Variants in GPC6 observed in about 807,000 individuals in gnomAD.
The protein encoded by GPC6 is glypican-6.
In GPC6, 14 loss-of-function variants were observed where a neutral mutation model predicts 55.2. The ratio of observed to expected loss-of-function variants is 0.25; its 90% CI spans 0.17 to 0.40. GPC6 has a LOEUF of 0.40. Ranked by LOEUF, GPC6 falls within the 10% of genes least tolerant of loss-of-function variation. The probability of loss-of-function intolerance (pLI) is 1.00; values close to 1 mark genes in which losing one functional copy is unlikely to be tolerated. For synonymous variants in GPC6, 278 were observed against 259.6 expected, an observed-to-expected ratio of 1.07 and a Z score of -0.68; for missense variants, 641 against 708.5, an observed-to-expected ratio of 0.90 and a Z score of 1.08.
At chr13:94,208,468 A>G (rs537760566) in intron 4 of GPC6, among the ~76,000 whole-genome samples, 1 of 152,234 alleles carries the variant, frequency 6.6e-6, no homozygotes, top group South Asian at 2.1e-4. Context: ...GAAGGAGATG[A>G]TATTTGATGT....
chr13:93,542,625 T>G (rs1025210226), intron 1 of GPC6, among the ~76,000 whole-genome samples: 2 of 152,208 alleles, frequency 1.3e-5, no homozygotes, highest in African/African-American at 2.4e-5. Context: ...AGTATGGCCA[T>G]TTTCGTGATA....
At chr13:94,139,989 A>G (rs1324977434) in intron 4 of GPC6, among the ~76,000 whole-genome samples, 1 of 151,762 alleles carries the variant, frequency 6.6e-6, no homozygotes, top group Non-Finnish European at 1.5e-5. Context: ...GTAAAAGAGA[A>G]TTTATATTTT....
At chr13:93,599,620 G>C (rs936255741) in intron 2 of GPC6, among the ~76,000 whole-genome samples, 4 of 152,248 alleles carry the variant, frequency 2.6e-5, no homozygotes, top group East Asian at 1.9e-4. Flanking sequence ...GCCTTAGGAG[G>C]GGGGAAGCAG....
At chr13:93,300,846 T>G (rs1878652522) in intron 1 of GPC6, among the ~76,000 whole-genome samples, 1 of 150,918 alleles carries the variant, frequency 6.6e-6, no homozygotes, top group Admixed American at 6.6e-5. Context: ...ATGAAGAAAC[T>G]CCATCTCTAC....
rs1342191108 is a variant in GPC6 at position 94,021,434 on chromosome 13, A to G, written c.712-6295A>G. On this transcript the variant is annotated intron_variant, in intron 3 of 8. Transcript: ENST00000377047. ...TAAGTGTATTAGAGACCTGAAATGA[A>G]ATATTATTACATGGCTAAGAACATG... is the stretch of plus-strand genomic sequence containing the variant. Among the ~76,000 whole-genome samples the G allele has an allele frequency of 2.0e-5, 3 of 152,056 alleles. 1 individual carries two copies. Among genetic ancestry groups the G allele is most frequent in the African/African-American group, 7.2e-5 (3 of 41,420 alleles).
intron 2 of GPC6, among the ~76,000 whole-genome samples, chr13:93,743,460 C>T (rs191204355): frequency 2.6e-5 from 4 of 152,150 alleles, no homozygotes; most frequent in Admixed American, 2.6e-4. Flanking sequence ...TTAAGGTATT[C>T]ATCATTAGAC....
intron 1 of GPC6, among the ~76,000 whole-genome samples, chr13:93,372,842 A>G (rs987832008): frequency 1.3e-5 from 2 of 152,206 alleles, no homozygotes; most frequent in Non-Finnish European, 2.9e-5. Context: ...AGCTGATAGA[A>G]TGCATATAAT....
chr13:94,393,237 G>A (rs1449886389), intron 7 of GPC6, among the ~76,000 whole-genome samples: 3 of 152,008 alleles, frequency 2.0e-5, no homozygotes, highest in Non-Finnish European at 2.9e-5. Flanking sequence ...ATATTACATC[G>A]TATCTCCAGT....
At chr13:93,712,294 A>G (rs1456643704) in intron 2 of GPC6, among the ~76,000 whole-genome samples, 2 of 151,772 alleles carry the variant, frequency 1.3e-5, no homozygotes, top group Non-Finnish European at 2.9e-5. Context: ...GAGAGAAGAT[A>G]TGTCCTTTCA....
intron 1 of GPC6, among the ~76,000 whole-genome samples, chr13:93,438,737 A>G (rs746253033): frequency 3.3e-5 from 5 of 152,214 alleles, no homozygotes; most frequent in Non-Finnish European, 7.3e-5. Flanking sequence ...ACAATATTAC[A>G]TAAGTTAGTT....
intron 4 of GPC6, among the ~76,000 whole-genome samples, chr13:94,100,009 C>T (rs975012779): frequency 3.3e-5 from 5 of 152,000 alleles, no homozygotes; most frequent in African/African-American, 1.2e-4. Context: ...TAGCTATTGG[C>T]TACTGTGCTT....
At chr13:93,696,145 ATAATCCAAGAAAATGTTATATT>A (rs1882444395) in intron 2 of GPC6, among the ~76,000 whole-genome samples, 1 of 152,190 alleles carries the variant, frequency 6.6e-6, no homozygotes, top group Admixed American at 6.5e-5. Flanking sequence ...TAATGAGATT[ATAATCCAAGAAAATGTTATATT>A]TCTATGCTTA....
intron 2 of GPC6, among the ~76,000 whole-genome samples, chr13:93,608,999 C>G (rs1878355200): frequency 6.6e-6 from 1 of 152,136 alleles, no homozygotes; most frequent in African/African-American, 2.4e-5. Flanking sequence ...TTGGTAAAGG[C>G]TGACACATAA....
At chr13:93,447,208 C>T (rs1458788837) in intron 1 of GPC6, among the ~76,000 whole-genome samples, 1 of 152,152 alleles carries the variant, frequency 6.6e-6, no homozygotes, top group Non-Finnish European at 1.5e-5. Flanking sequence ...AAAACAGTTA[C>T]AGTATAAAGT....
chr13:93,812,553 C>A (rs1886731113), intron 2 of GPC6, among the ~76,000 whole-genome samples: 1 of 152,122 alleles, frequency 6.6e-6, no homozygotes, highest in African/African-American at 2.4e-5. Flanking sequence ...CTAACACATT[C>A]CACCTGCTTT....
intron 2 of GPC6, among the ~76,000 whole-genome samples, chr13:93,811,740 A>C (rs1412785240): frequency 6.6e-6 from 1 of 152,210 alleles, no homozygotes; most frequent in Admixed American, 6.5e-5. Flanking sequence ...AATTAAAATT[A>C]TGATCTAAAT....
intron 3 of GPC6, among the ~76,000 whole-genome samples, chr13:94,026,629 C>G (rs1341703884): frequency 6.6e-6 from 1 of 152,096 alleles, no homozygotes; most frequent in African/African-American, 2.4e-5. Flanking sequence ...TCTCCACTAT[C>G]TTGTATGAGT....
At chr13:93,385,087 G>A (rs1274973882) in intron 1 of GPC6, among the ~76,000 whole-genome samples, 3 of 152,176 alleles carry the variant, frequency 2.0e-5, no homozygotes, top group African/African-American at 7.2e-5. Flanking sequence ...AGGAATAAAC[G>A]GTGCTGTGAT....
intron 1 of GPC6, among the ~76,000 whole-genome samples, chr13:93,228,486 C>A (rs1390746558): frequency 6.6e-6 from 1 of 152,170 alleles, no homozygotes; most frequent in Non-Finnish European, 1.5e-5. Flanking sequence ...AGCTTGAGAG[C>A]GCCCACCCTT....
Sources: allele counts gnomAD v4.1 joint callset (sites outside exome capture counted in the v4.1 genomes callset), GRCh38; gene constraint gnomAD v4.1.1; transcripts MANE v1.5; gene names NCBI Gene and HGNC (gene_info 2026-07-23, HGNC 2026-07-21).